The following SLC24A2 variants were observed in gnomAD, a reference collection of about 807,000 sequenced individuals.
SLC24A2 encodes solute carrier family 24 member 2.
In SLC24A2, 36 loss-of-function variants were observed where a neutral mutation model predicts 62.0. That is an observed-to-expected ratio of 0.58 (90% CI 0.44 to 0.77). The LOEUF (loss-of-function observed/expected upper bound fraction) is 0.77, where lower values mean the gene tolerates loss of function less well. Ranked by LOEUF, SLC24A2 falls within the 30% of genes least tolerant of loss-of-function variation. The probability of loss-of-function intolerance (pLI) is 0.00; values close to 1 mark genes in which losing one functional copy is unlikely to be tolerated. For missense variants in SLC24A2, 846 were observed against 817.9 expected (o/e 1.03, Z -0.42); for synonymous variants, 358 against 294.0 (o/e 1.22, Z -2.23).
chr9:19,853,589 T>C, the SLC24A2 span, among the ~76,000 whole-genome samples: 1 of 152,246 alleles, frequency 6.6e-6, no homozygotes, highest in African/African-American at 2.4e-5. Context: ...TCTTTAGTTA[T>C]GCTTATGTGA....
At chr9:19,728,001 T>C (rs964231736) in intron 2 of SLC24A2, among the ~76,000 whole-genome samples, 7 of 152,172 alleles carry the variant, frequency 4.6e-5, no homozygotes, top group Non-Finnish European at 1.0e-4. Context: ...TCAGCCCTTT[T>C]CAAGTGAAAT....
At chr9:19,566,189 T>G (rs1184536282) in intron 7 of SLC24A2, among the ~76,000 whole-genome samples, 1 of 150,948 alleles carries the variant, frequency 6.6e-6, no homozygotes, top group Non-Finnish European at 1.5e-5. Context: ...ACCTACAGAA[T>G]GGGAGAAAAT....
the SLC24A2 span, among the ~76,000 whole-genome samples, chr9:20,165,382 G>C: frequency 1.3e-5 from 2 of 151,962 alleles, no homozygotes; most frequent in Non-Finnish European, 2.9e-5. Context: ...GATATGGGTT[G>C]AGCTATGAGC....
the SLC24A2 span, among the ~76,000 whole-genome samples, chr9:20,129,406 T>C: frequency 5.9e-5 from 9 of 152,186 alleles, no homozygotes; most frequent in African/African-American, 2.2e-4. Context: ...AGAATTACCA[T>C]AGGACCCAGC....
At chr9:20,277,348 C>T in the SLC24A2 span, among the ~76,000 whole-genome samples, 5 of 151,646 alleles carry the variant, frequency 3.3e-5, no homozygotes, top group Non-Finnish European at 7.4e-5. Flanking sequence ...TGACAAAGGG[C>T]TAATATCCAG....
At chr9:19,575,456 G>A (rs1004093241) in intron 6 of SLC24A2, among the ~76,000 whole-genome samples, 1 of 152,220 alleles carries the variant, frequency 6.6e-6, no homozygotes, top group African/African-American at 2.4e-5. Flanking sequence ...GAGACTGCCT[G>A]CCAGGCATAA....
chr9:20,283,509 G>T, the SLC24A2 span, among the ~76,000 whole-genome samples: 2 of 152,254 alleles, frequency 1.3e-5, no homozygotes, highest in East Asian at 3.9e-4. Context: ...CAGTGGAAGA[G>T]ACTCGAATTA....
chr9:19,703,799 T>C lies in SLC24A2; in HGVS notation c.931-81500A>G, dbSNP rs543134035. 2.6e-5 allele frequency among the ~76,000 whole-genome samples: 4 copies of C among 152,348 alleles called. No homozygotes were observed. In the South Asian group the frequency reaches 6.2e-4, roughly 24 times the overall value. On this transcript the variant is annotated intron_variant, in intron 2 of 10. Transcript: ENST00000341998. ...CAGGAAGTACTATGGCTACATTTTA[T>C]AGTCTTATGTGCTATGAAGTATGTA... is the stretch of plus-strand genomic sequence containing the variant.
the SLC24A2 span, among the ~76,000 whole-genome samples, chr9:19,962,147 C>G: frequency 2.0e-5 from 3 of 152,162 alleles, no homozygotes; most frequent in Admixed American, 1.3e-4. Flanking sequence ...ATGGACTGCT[C>G]ATTATGTGTT....
chr9:19,755,872 C>G (rs4977319), intron 2 of SLC24A2, among the ~76,000 whole-genome samples: 103,423 of 152,054 alleles, frequency 0.68, 35,430 homozygotes, highest in Admixed American at 0.74. Flanking sequence ...ACTGATTTTA[C>G]CTTTCCATTT....
At chr9:19,713,784 T>C (rs1432856245) in intron 2 of SLC24A2, among the ~76,000 whole-genome samples, 3 of 152,160 alleles carry the variant, frequency 2.0e-5, no homozygotes, top group Non-Finnish European at 4.4e-5. Context: ...TTGAGATTTT[T>C]TTTTCCCCCC....
At chr9:19,521,206 G>A in intron 9 of SLC24A2, 146 bp from the exon 10 acceptor site, 1 of 758,466 alleles carries the variant, frequency 1.3e-6, no homozygotes, top group South Asian at 1.5e-5. Context: ...ATAAGCCACA[G>A]TCATTGCTAA....
At chr9:20,192,168 G>C in the SLC24A2 span, among the ~76,000 whole-genome samples, 1 of 152,106 alleles carries the variant, frequency 6.6e-6, no homozygotes, top group African/African-American at 2.4e-5. Context: ...GGTCTATGAA[G>C]TCAGAGGTAA....
At chr9:19,675,475 G>C (rs1819535101) in intron 2 of SLC24A2, among the ~76,000 whole-genome samples, 1 of 152,132 alleles carries the variant, frequency 6.6e-6, no homozygotes, top group Non-Finnish European at 1.5e-5. Flanking sequence ...AGACCATCAG[G>C]TGTAAGCATG....
At chr9:19,961,326 A>T in the SLC24A2 span, among the ~76,000 whole-genome samples, 1,363 of 152,340 alleles carry the variant, frequency 8.9e-3, 26 homozygotes, top group African/African-American at 0.032. Flanking sequence ...AAATATTTTT[A>T]GTAAAGAAAG....
the SLC24A2 span, among the ~76,000 whole-genome samples, chr9:20,041,456 G>A: frequency 6.6e-6 from 1 of 152,334 alleles, no homozygotes; most frequent in African/African-American, 2.4e-5. Flanking sequence ...AAAAGCATGT[G>A]CATGCCCAGC....
At chr9:20,169,872 T>C in the SLC24A2 span, among the ~76,000 whole-genome samples, 1 of 152,090 alleles carries the variant, frequency 6.6e-6, no homozygotes, top group South Asian at 2.1e-4. Context: ...GAAGGTCAGT[T>C]ATTAGGTAAA....
At chr9:19,636,333 T>TTCTTTC (rs1818339736) in intron 2 of SLC24A2, among the ~76,000 whole-genome samples, 1 of 31,152 alleles carries the variant, frequency 3.2e-5, no homozygotes, top group Non-Finnish European at 6.1e-5. Flanking sequence ...CTTTCTTTCT[T>TTCTTTC]TCTTTCTTTC....
the SLC24A2 span, among the ~76,000 whole-genome samples, chr9:20,231,098 T>C: frequency 2.0e-5 from 3 of 152,204 alleles, no homozygotes; most frequent in Non-Finnish European, 4.4e-5. Flanking sequence ...TCTATATCTC[T>C]GTTTTGGTAC....
Sources: gnomAD v4.1 joint callset for allele counts (sites outside exome capture counted in the v4.1 genomes callset) on GRCh38, gnomAD v4.1.1 for gene constraint, MANE v1.5 for transcripts, NCBI Gene and HGNC (gene_info 2026-07-23, HGNC 2026-07-21) for gene names.